DCAF7: variants seen among roughly 807,000 people sequenced by gnomAD.
DCAF7 encodes DDB1- and CUL4-associated factor 7.
DCAF7 carries 4 observed loss-of-function variants against 41.2 expected under a neutral mutation model. The ratio of observed to expected loss-of-function variants is 0.10; its 90% CI spans 0.05 to 0.22. The LOEUF (loss-of-function observed/expected upper bound fraction) is 0.22. Ranked by LOEUF, DCAF7 falls within the 10% of genes least tolerant of loss-of-function variation. The pLI is 1.00. For synonymous variants in DCAF7, 143 were observed against 164.2 expected (o/e 0.87, Z 0.99); for missense variants, 131 against 443.2 (o/e 0.30, Z 6.32).
chr17:63,558,922 A>G (rs2033338841), intron 1 of DCAF7, among the ~76,000 whole-genome samples: 1 of 152,230 alleles, frequency 6.6e-6, no homozygotes, highest in Non-Finnish European at 1.5e-5. Flanking sequence ...AGATCGTTTG[A>G]TACTCTAAGA....
intron 1 of DCAF7, among the ~76,000 whole-genome samples, chr17:63,571,283 A>T (rs1362100491): frequency 1.3e-5 from 2 of 152,166 alleles, no homozygotes; most frequent in Non-Finnish European, 2.9e-5. Flanking sequence ...GTATCTGTAA[A>T]TCTGTAGGCA....
chr17:63,579,623 G>A (rs2033597845), intron 3 of DCAF7, among the ~76,000 whole-genome samples, 175 bp downstream of exon 3: 1 of 152,136 alleles, frequency 6.6e-6, no homozygotes, highest in Non-Finnish European at 1.5e-5. Flanking sequence ...TATAGATCTT[G>A]TCTCTCCAGT....
chr17:63,560,999 G>A (rs1485930925), intron 1 of DCAF7, among the ~76,000 whole-genome samples: 4 of 152,260 alleles, frequency 2.6e-5, no homozygotes, highest in African/African-American at 9.6e-5. Flanking sequence ...GCTGGGTGCA[G>A]TGGCTCATGC....
At chr17:63,580,043 A>G in intron 4 of DCAF7, 100 bp downstream of exon 4, 1 of 842,604 alleles carries the variant, frequency 1.2e-6, no homozygotes, top group Admixed American at 2.5e-5. Flanking sequence ...ATTTATGTAG[A>G]AAATCATAAC....
intron 1 of DCAF7, among the ~76,000 whole-genome samples, chr17:63,569,928 G>A (rs2033486942): frequency 6.6e-6 from 1 of 152,074 alleles, no homozygotes; most frequent in Non-Finnish European, 1.5e-5. Context: ...GGCCAGGCTG[G>A]TCTTGAACTT....
chr17:63,553,204 T>A (rs2033275780), intron 1 of DCAF7, among the ~76,000 whole-genome samples: 1 of 152,236 alleles, frequency 6.6e-6, no homozygotes. Flanking sequence ...ACTGTAATTA[T>A]TAATGTAATT....
intron 1 of DCAF7, among the ~76,000 whole-genome samples, 200 bp from the exon 2 acceptor site, chr17:63,578,270 G>A (rs1362061423): frequency 6.6e-6 from 1 of 152,116 alleles, no homozygotes; most frequent in South Asian, 2.1e-4. Flanking sequence ...AGGCTGAGGT[G>A]GAAGGATCAC....
intron 1 of DCAF7, among the ~76,000 whole-genome samples, chr17:63,555,932 T>C (rs935713678): frequency 1.3e-5 from 2 of 152,222 alleles, no homozygotes; most frequent in African/African-American, 4.8e-5. Flanking sequence ...AAGCTCTCGC[T>C]GCCAGAGCTC....
rs1467654903 is a variant in DCAF7, at chr17:63,589,191, C to G, written c.*19C>G. ...AGTGTAGTGTTGGTGGCGCTGTGCC[C>G]ACGAGGCAGGGGCTTTTGTATTTCC... On this transcript the variant is annotated 3_prime_UTR_variant, in exon 7 of 7. Transcript: ENST00000614556. 1 of 1,611,802 alleles carries G rather than the reference C, an allele frequency of 6.2e-7. No individual in the cohort carries two copies. The highest frequency in any genetic ancestry group is 8.5e-7 in the Non-Finnish European group (1 of 1,179,360).
chr17:63,573,726 G>A (rs575106371), intron 1 of DCAF7, among the ~76,000 whole-genome samples: 33 of 145,202 alleles, frequency 2.3e-4, no homozygotes, highest in African/African-American at 7.5e-4. Flanking sequence ...GTGAAAATCC[G>A]TCTCAAAAAA....
chr17:63,559,433 G>GTT (rs1263888953), intron 1 of DCAF7, among the ~76,000 whole-genome samples: 1 of 112,452 alleles, frequency 8.9e-6, no homozygotes, highest in African/African-American at 4.3e-5. Flanking sequence ...ATATATATAT[G>GTT]TGTGTGTATA....
chr17:63,560,695 T>C (rs2033370872), intron 1 of DCAF7, among the ~76,000 whole-genome samples: 1 of 152,152 alleles, frequency 6.6e-6, no homozygotes, highest in South Asian at 2.1e-4. Context: ...CCTTTCAAAA[T>C]TTGGGCCTTG....
chr17:63,588,189 A>ATTTTTTT (rs377638787), intron 6 of DCAF7, among the ~76,000 whole-genome samples: 2 of 120,226 alleles, frequency 1.7e-5, no homozygotes, highest in African/African-American at 7.9e-5. Flanking sequence ...ATTTTCTTGG[A>ATTTTTTT]TTTTTTTTTT....
chr17:63,571,093 A>G (rs2033502019), intron 1 of DCAF7, among the ~76,000 whole-genome samples: 2 of 151,964 alleles, frequency 1.3e-5, no homozygotes, highest in Non-Finnish European at 2.9e-5. Flanking sequence ...GGCTGAGGCA[A>G]GAGAATCACT....
In DCAF7 at chr17:63,561,711, C is replaced by A. The variant is rs144289626; in HGVS notation, c.138+10896C>A. 4.1e-3 allele frequency among the ~76,000 whole-genome samples: 628 copies of A among 152,138 alleles called. 5 individuals carry two copies. The highest frequency in any genetic ancestry group is 0.014 in the African/African-American group (593 of 41,486). ...CTTCAGTCTGGGTGACAGAGTGAGA[C>A]CCCATCTCGAAAGAAGAAAATGTGT... On this transcript the variant is annotated intron_variant, in intron 1 of 6. Transcript: ENST00000614556.
intron 2 of DCAF7, among the ~76,000 whole-genome samples, chr17:63,579,105 C>T (rs1300862370): frequency 6.6e-6 from 1 of 152,124 alleles, no homozygotes. Context: ...AGTGAGAAGA[C>T]CTCTCCTCTA....
intron 1 of DCAF7, among the ~76,000 whole-genome samples, chr17:63,571,983 A>G (rs1355437634): frequency 2.0e-5 from 3 of 152,018 alleles, no homozygotes; most frequent in African/African-American, 7.2e-5. Context: ...ACAGGCCTAT[A>G]TTTAAGGCAT....
Position 63,590,493 on chromosome 17 carries a change from C to G in DCAF7, c.*1321C>G, listed in dbSNP as rs1219492666. 6.5e-6 allele frequency: 1 copy of G among 152,744 alleles called. No individual in the cohort carries two copies. Among genetic ancestry groups the G allele is most frequent in the Non-Finnish European group, 1.5e-5 (1 of 68,122 alleles). The allele number at this position is 152,744 out of a possible 1,614,324, so 9.5% of individuals were successfully genotyped here. A position where few individuals can be genotyped will look rare whatever the true frequency, so the allele number is the denominator to read the frequency against. On this transcript the variant is annotated 3_prime_UTR_variant, in exon 7 of 7. Coordinates refer to ENST00000614556, the MANE Select transcript of DCAF7 (RefSeq NM_005828.5). ...CACACCTGTCAACCCCTCTCTCCCC[C>G]AGTTTAGGTTCTGAGCAGTATTGGA...
At chr17:63,585,958 C>T (rs1320104038) in intron 6 of DCAF7, among the ~76,000 whole-genome samples, 1 of 151,604 alleles carries the variant, frequency 6.6e-6, no homozygotes, top group Non-Finnish European at 1.5e-5. Context: ...CCTGTCTCTA[C>T]TAAAAATACA....
Sources: gnomAD v4.1 joint callset for allele counts (sites outside exome capture counted in the v4.1 genomes callset) on GRCh38, gnomAD v4.1.1 for gene constraint, MANE v1.5 for transcripts, NCBI Gene and HGNC (gene_info 2026-07-23, HGNC 2026-07-21) for gene names.